The following RPS6KB1 variants were observed in gnomAD, a reference collection of about 807,000 sequenced individuals.
RPS6KB1 encodes ribosomal protein S6 kinase beta-1.
In RPS6KB1, 12 loss-of-function variants were observed where a neutral mutation model predicts 70.2. The ratio of observed to expected loss-of-function variants is 0.17; its 90% confidence interval spans 0.11 to 0.28. The LOEUF (loss-of-function observed/expected upper bound fraction) is 0.28, where lower values mean the gene tolerates loss of function less well. Among genes scored for constraint, RPS6KB1 ranks in the 10% least tolerant of loss-of-function variants. RPS6KB1 has a pLI of 1.00. For synonymous variants in RPS6KB1, 175 were observed against 211.2 expected (o/e 0.83, Z 1.49); for missense variants, 270 against 646.6 (o/e 0.42, Z 6.32).
intron 4 of RPS6KB1, among the ~76,000 whole-genome samples, chr17:59,924,835 ATTTATTTT>A (rs1474729359): frequency 3.8e-4 from 57 of 149,940 alleles, no homozygotes; most frequent in African/African-American, 1.2e-3. Flanking sequence ...TTATTTATTT[ATTTATTTT>A]TTTGAGACGG....
chr17:59,896,313 C>A (rs1443230770), intron 1 of RPS6KB1, among the ~76,000 whole-genome samples: 2 of 152,074 alleles, frequency 1.3e-5, no homozygotes, highest in Middle Eastern at 3.2e-3. Flanking sequence ...CCTGCCTCAG[C>A]CTCCCGAGTA....
In RPS6KB1 at chr17:59,934,149, T is replaced by A; in HGVS notation, c.689-21T>A. The A allele has an allele frequency of 7.3e-7, 1 of 1,363,336 alleles. No homozygotes were observed. Among genetic ancestry groups the A allele is most frequent in the South Asian group, 1.2e-5 (1 of 85,968 alleles). The allele number at this position is 1,363,336 out of a possible 1,614,324, so 84.5% of individuals were successfully genotyped here. ...ATACTTATAATTCGGAGAATAATCA[T>A]GCTGTAATCTTTCATTGTAGGTCAT... On this transcript the variant is annotated intron_variant, in intron 7 of 14. Coordinates refer to ENST00000225577, the MANE Select transcript of RPS6KB1 (RefSeq NM_003161.4). This position sits in a 1 kb window ranked among gnomAD's most constrained non-coding sequence, Gnocchi z 4.8.
intron 6 of RPS6KB1, 43 bp from the exon 7 acceptor site, chr17:59,931,579 G>C: frequency 6.6e-7 from 1 of 1,507,264 alleles, no homozygotes; most frequent in Non-Finnish European, 9.2e-7. Context: ...GCTTTGGATA[G>C]ATTACACTCT....
At position 59,926,344 on chromosome 17, in the gene RPS6KB1, G is replaced by C. The variant is rs7212953; in HGVS notation, c.382-91G>C. The C allele has an allele frequency of 2.0e-4, 208 of 1,034,252 alleles. No homozygotes were observed. In the African/African-American group the frequency reaches 3.1e-3, roughly 16 times the overall value. The allele number at this position is 1,034,252 out of a possible 1,614,324, so 64.1% of individuals were successfully genotyped here. On this transcript the variant is annotated intron_variant, in intron 4 of 14. Transcript: ENST00000225577. ...TATGGTTAATAGTTCAATATTGGCA[G>C]GAAAAACACAAAATAGATTTTAGAA... is the stretch of plus-strand genomic sequence containing the variant.
chr17:59,904,862 C>T (rs574958688), intron 1 of RPS6KB1, among the ~76,000 whole-genome samples: 4 of 150,860 alleles, frequency 2.7e-5, no homozygotes, highest in Admixed American at 2.0e-4. Flanking sequence ...ATATCCAGCT[C>T]ATTTTTGTAT....
chr17:59,924,109 G>A (rs745580627), intron 4 of RPS6KB1, among the ~76,000 whole-genome samples: 27 of 152,078 alleles, frequency 1.8e-4, no homozygotes, highest in Admixed American at 3.3e-4. Context: ...CAAGGCGGGC[G>A]GATCATGAGC....
In RPS6KB1 at chr17:59,901,844, C is replaced by T. The variant is rs1321185937; in HGVS notation, c.141+8519C>T. Among the ~76,000 whole-genome samples the T allele has an allele frequency of 1.1e-4, 16 of 150,854 alleles. No homozygotes were observed. The Admixed American group carries it at 1.1e-3, about 10-fold the overall frequency. On this transcript the variant is annotated intron_variant, in intron 1 of 14. Coordinates refer to ENST00000225577, the MANE Select transcript of RPS6KB1 (RefSeq NM_003161.4). Reference sequence around the variant, plus strand: ...CTAGCCTGGGCAACATAGTGAGACCCGTGTCTCTACGAAAAATAGAAAAAA... The same window carrying T: ...CTAGCCTGGGCAACATAGTGAGACCTGTGTCTCTACGAAAAATAGAAAAAA...
chr17:59,904,922 C>T (rs542236368), intron 1 of RPS6KB1, among the ~76,000 whole-genome samples: 48 of 152,096 alleles, frequency 3.2e-4, no homozygotes, highest in Non-Finnish European at 4.9e-4. Context: ...GTCTCGAACT[C>T]CTGACCTTGT....
chr17:59,916,203 C>CA (rs2042954735), intron 4 of RPS6KB1, among the ~76,000 whole-genome samples: 1 of 152,024 alleles, frequency 6.6e-6, no homozygotes, highest in African/African-American at 2.4e-5. Flanking sequence ...CAGGTTAAAG[C>CA]GATTCCTCTG....
rs1354615045 is a variant in RPS6KB1, at chr17:59,947,901, T to C, written c.*1113T>C. 2.0e-5 allele frequency: 7 copies of C among 341,530 alleles called. No individual in the cohort carries two copies. Among genetic ancestry groups the C allele is most frequent in the Non-Finnish European group, 3.7e-5 (7 of 188,012 alleles). 21.2% of individuals were successfully genotyped at this position (341,530 alleles called of 1,614,324 possible). ...AATTGGTAAGATTTTCAGTTTTACT[T>C]CTTTCTACTGTTTCTGCTGTCTACC... On this transcript the variant is annotated 3_prime_UTR_variant, in exon 15 of 15. Transcript: ENST00000225577.
chr17:59,907,113 C>G (rs2042316859), intron 1 of RPS6KB1: 1 of 151,924 alleles, frequency 6.6e-6, no homozygotes, highest in Non-Finnish European at 1.5e-5. Flanking sequence ...ACGCCATTCT[C>G]CTGCCTCAGC....
chr17:59,944,342 GAGAACTAAAATGAAC>G (rs1354277696), intron 13 of RPS6KB1, among the ~76,000 whole-genome samples: 1 of 152,174 alleles, frequency 6.6e-6, no homozygotes, highest in Non-Finnish European at 1.5e-5. Context: ...AGATCCAAGA[GAGAACTAAAATGAAC>G]AAAACTGCAT....
chr17:59,949,118 CA>C lies in RPS6KB1; in HGVS notation c.*2331del, dbSNP rs2045079833. ...TTCTGCATAAAAAGCATTAATTGCA[CA>C]GCTACCATCCACACAAATACATAGT... On this transcript the variant is annotated 3_prime_UTR_variant, in exon 15 of 15. Coordinates refer to ENST00000225577, the MANE Select transcript of RPS6KB1 (RefSeq NM_003161.4). 2 of 152,566 alleles carry C rather than the reference CA, an allele frequency of 1.3e-5. No individual in the cohort carries two copies. The highest frequency in any genetic ancestry group is 4.8e-5 in the African/African-American group (2 of 41,432). 9.5% of individuals were successfully genotyped at this position (152,566 alleles called of 1,614,324 possible).
chr17:59,939,563 T>C (rs2145031457), intron 12 of RPS6KB1, among the ~76,000 whole-genome samples: 1 of 152,350 alleles, frequency 6.6e-6, no homozygotes, highest in African/African-American at 2.4e-5. Flanking sequence ...ATGATAGGCA[T>C]GAGCCACTGC....
intron 6 of RPS6KB1, 200 bp downstream of exon 6, chr17:59,930,374 C>T: frequency 1.8e-6 from 1 of 548,482 alleles, no homozygotes; most frequent in Admixed American, 3.3e-5. Flanking sequence ...GTGGAACGCT[C>T]TTCACACCAG....
intron 6 of RPS6KB1, 159 bp downstream of exon 6, chr17:59,930,333 G>A (rs2043860756): frequency 1.5e-6 from 1 of 672,202 alleles, no homozygotes; most frequent in African/African-American, 1.8e-5. Context: ...CAGCTATGGA[G>A]GTCACATCAT....
chr17:59,928,888 A>G (rs1251627979), intron 5 of RPS6KB1, among the ~76,000 whole-genome samples: 1 of 152,152 alleles, frequency 6.6e-6, no homozygotes, highest in East Asian at 1.9e-4. Context: ...GATTCAGGTT[A>G]TGCAATTTTG....
rs542892458 is a variant in RPS6KB1 at position 59,950,044 on chromosome 17, T to C, written c.*3256T>C. 1 of 152,684 alleles carries C rather than the reference T, an allele frequency of 6.5e-6. No homozygotes were observed. Among genetic ancestry groups the C allele is most frequent in the South Asian group, 2.1e-4 (1 of 4,830 alleles). 9.5% of individuals were successfully genotyped at this position (152,684 alleles called of 1,614,324 possible). ...ATGTCCAAACATCTACCTTTTTTCA[T>C]AGGAGTAGACACTAGCAAGCTGGAC... On this transcript the variant is annotated 3_prime_UTR_variant, in exon 15 of 15. Transcript: ENST00000225577.
At chr17:59,935,642 T>G (rs1243474224) in intron 10 of RPS6KB1, among the ~76,000 whole-genome samples, 1 of 151,694 alleles carries the variant, frequency 6.6e-6, no homozygotes, top group Non-Finnish European at 1.5e-5. Context: ...GCCCGGCTAA[T>G]TTTTGTATTT....
Sources: gnomAD v4.1 joint callset for allele counts (sites outside exome capture counted in the v4.1 genomes callset) on GRCh38, gnomAD v4.1.1 for gene constraint, Gnocchi (gnomAD v3.1) non-coding constraint, MANE v1.5 for transcripts, NCBI Gene and HGNC (gene_info 2026-07-23, HGNC 2026-07-21) for gene names.